Variants in TIMMDC1 observed in about 807,000 individuals in gnomAD.
The protein encoded by TIMMDC1 is translocase of inner mitochondrial membrane domain containing 1, also known as complex I assembly factor TIMMDC1, mitochondrial.
In TIMMDC1, 25 loss-of-function variants were observed where a neutral mutation model predicts 32.6. The ratio of observed to expected loss-of-function variants is 0.77; its 90% CI spans 0.56 to 1.07. The LOEUF (loss-of-function observed/expected upper bound fraction) is 1.07. Among genes scored for constraint, TIMMDC1 ranks in the 50% least tolerant of loss-of-function variants. TIMMDC1 has a pLI of 0.00. For missense variants in TIMMDC1, 329 were observed against 349.2 expected (o/e 0.94, Z 0.46); for synonymous variants, 130 against 127.6 (o/e 1.02, Z -0.13).
chr3:119,499,442 G>T (rs2081853221), intron 1 of TIMMDC1, among the ~76,000 whole-genome samples: 2 of 134,452 alleles, frequency 1.5e-5, no homozygotes, highest in African/African-American at 2.8e-5. Flanking sequence ...TTTCGAGACT[G>T]AGTCGCGCTC....
intron 6 of TIMMDC1, 52 bp from the exon 7 acceptor site, chr3:119,523,554 A>C: frequency 6.8e-7 from 1 of 1,480,988 alleles, no homozygotes; most frequent in Non-Finnish European, 9.0e-7. Flanking sequence ...TAAATCTGTA[A>C]GAACTAAAGA....
intron 6 of TIMMDC1, among the ~76,000 whole-genome samples, chr3:119,521,096 A>G (rs970745010): frequency 1.3e-5 from 2 of 152,210 alleles, no homozygotes; most frequent in Non-Finnish European, 2.9e-5. Context: ...AGTACAGTAA[A>G]GGCCATATAT....
intron 5 of TIMMDC1, among the ~76,000 whole-genome samples, chr3:119,517,000 ATTGT>A (rs2081988446): frequency 6.6e-6 from 1 of 152,064 alleles, no homozygotes; most frequent in Non-Finnish European, 1.5e-5. Context: ...GGTTGTAGTG[ATTGT>A]TTTTGTCTGT....
intron 4 of TIMMDC1, among the ~76,000 whole-genome samples, chr3:119,504,895 T>C (rs2081908021): frequency 6.6e-6 from 1 of 152,118 alleles, no homozygotes; most frequent in Non-Finnish European, 1.5e-5. Flanking sequence ...CTGGCTAACA[T>C]GGTGAAACCC....
At chr3:119,506,223 A>G (rs535255536) in intron 4 of TIMMDC1, among the ~76,000 whole-genome samples, 3 of 152,146 alleles carry the variant, frequency 2.0e-5, no homozygotes, top group Admixed American at 6.5e-5. Flanking sequence ...TTCTCTGTCA[A>G]TTGTTAAATG....
Position 119,524,463 on chromosome 3 carries a change from T to G in TIMMDC1, c.*707T>G, listed in dbSNP as rs565611423. 1 of 152,298 alleles carries G rather than the reference T, an allele frequency of 6.6e-6. No homozygotes were observed. The highest frequency in any genetic ancestry group is 2.1e-4 in the South Asian group (1 of 4,830). The allele number at this position is 152,298 out of a possible 1,614,324, so 9.4% of individuals were successfully genotyped here. A position where few individuals can be genotyped will look rare whatever the true frequency, so the allele number is the denominator to read the frequency against. On this transcript the variant is annotated 3_prime_UTR_variant, in exon 7 of 7. Coordinates refer to ENST00000494664, the MANE Select transcript of TIMMDC1 (RefSeq NM_016589.4). ...TTCCTGTCAATACGGGAAACACTGC[T>G]AGTACCTTATGTTGGTGTTAGACCT...
intron 1 of TIMMDC1, among the ~76,000 whole-genome samples, chr3:119,499,980 G>A (rs1301110341): frequency 6.6e-6 from 1 of 152,270 alleles, no homozygotes; most frequent in East Asian, 1.9e-4. Flanking sequence ...TCTTTGCTAT[G>A]TTGCTATGCT....
chr3:119,499,759 C>T (rs1046568726), intron 1 of TIMMDC1, among the ~76,000 whole-genome samples: 1 of 152,146 alleles, frequency 6.6e-6, no homozygotes, highest in Non-Finnish European at 1.5e-5. Flanking sequence ...TAACTTAATA[C>T]TTAAGACAGC....
chr3:119,499,737 A>G (rs986475057), intron 1 of TIMMDC1, among the ~76,000 whole-genome samples: 1 of 152,196 alleles, frequency 6.6e-6, no homozygotes. Flanking sequence ...TAGAAGGGCA[A>G]TTATTTTATA....
chr3:119,499,088 C>CTT, intron 1 of TIMMDC1, 161 bp downstream of exon 1: 2 of 492,792 alleles, frequency 4.1e-6, no homozygotes, highest in Non-Finnish European at 6.8e-6. Context: ...TATCTTTTTT[C>CTT]TTTCTTTTTT....
rs1289230851 is a variant in TIMMDC1, at chr3:119,524,886, T to G, written c.*1130T>G. ...CTATGGAAAGTTACTACCTTAGACA[T>G]TTGAAGATAGCTTACTGCTTAGTAC... On this transcript the variant is annotated 3_prime_UTR_variant, in exon 7 of 7. Transcript: ENST00000494664. 6.6e-6 allele frequency: 1 copy of G among 152,198 alleles called. No individual in the cohort carries two copies. Among genetic ancestry groups the G allele is most frequent in the Non-Finnish European group, 1.5e-5 (1 of 68,048 alleles). The allele number at this position is 152,198 out of a possible 1,614,324, so 9.4% of individuals were successfully genotyped here. A position where few individuals can be genotyped will look rare whatever the true frequency, so the allele number is the denominator to read the frequency against.
intron 4 of TIMMDC1, among the ~76,000 whole-genome samples, chr3:119,511,068 C>T (rs2081948956): frequency 6.6e-6 from 1 of 152,180 alleles, no homozygotes; most frequent in Non-Finnish European, 1.5e-5. Flanking sequence ...ATTTTATGCA[C>T]TTAAAGACAT....
chr3:119,504,747 A>G (rs552646883), intron 4 of TIMMDC1, among the ~76,000 whole-genome samples: 18 of 152,304 alleles, frequency 1.2e-4, no homozygotes, highest in African/African-American at 4.1e-4. Context: ...CATGGTAACT[A>G]TGGTTACTAA....
chr3:119,518,521 TC>T (rs1379036857), intron 6 of TIMMDC1, among the ~76,000 whole-genome samples: 1 of 147,770 alleles, frequency 6.8e-6, no homozygotes, highest in African/African-American at 2.6e-5. Flanking sequence ...GCCACTGCAC[TC>T]CAGCCTGGGC....
intron 5 of TIMMDC1, 67 bp downstream of exon 5, chr3:119,513,786 T>A: frequency 9.7e-7 from 1 of 1,030,554 alleles, no homozygotes; most frequent in East Asian, 2.6e-5. Flanking sequence ...TATTAAAAAG[T>A]CTCATTTATT....
intron 5 of TIMMDC1, among the ~76,000 whole-genome samples, chr3:119,515,473 C>G (rs1216851962): frequency 6.6e-6 from 1 of 152,168 alleles, no homozygotes; most frequent in Non-Finnish European, 1.5e-5. Context: ...TAGCCATCTC[C>G]TTTTTCATTA....
intron 4 of TIMMDC1, among the ~76,000 whole-genome samples, chr3:119,510,178 A>G (rs991716164): frequency 5.9e-5 from 9 of 152,190 alleles, no homozygotes; most frequent in African/African-American, 1.9e-4. Context: ...AATTATTGCT[A>G]TCAGTAAAGT....
intron 4 of TIMMDC1, among the ~76,000 whole-genome samples, chr3:119,511,025 G>C (rs1319465076): frequency 2.0e-5 from 3 of 152,154 alleles, no homozygotes; most frequent in East Asian, 1.9e-4. Context: ...ATAAACAGTT[G>C]CTTCACACAT....
intron 4 of TIMMDC1, among the ~76,000 whole-genome samples, chr3:119,510,960 C>G (rs894586362): frequency 2.0e-5 from 3 of 152,156 alleles, no homozygotes; most frequent in African/African-American, 7.2e-5. Flanking sequence ...ACTTTTGACT[C>G]CCCCAAAACT....
Sources: gnomAD v4.1 joint callset for allele counts (sites outside exome capture counted in the v4.1 genomes callset) on GRCh38, gnomAD v4.1.1 for gene constraint, MANE v1.5 for transcripts, NCBI Gene and HGNC (gene_info 2026-07-23, HGNC 2026-07-21) for gene names.